CDKN3: variants seen among roughly 807,000 people sequenced by gnomAD.
The protein encoded by CDKN3 is cyclin-dependent kinase inhibitor 3.
CDKN3 carries 19 observed loss-of-function variants against 36.1 expected under a neutral mutation model. The ratio of observed to expected loss-of-function variants is 0.53; its 90% CI spans 0.37 to 0.77. CDKN3 has a LOEUF of 0.77. Among genes scored for constraint, CDKN3 ranks in the 30% least tolerant of loss-of-function variants. The pLI is 0.00. For synonymous variants in CDKN3, 71 were observed against 85.3 expected (o/e 0.83, Z 0.92); for missense variants, 188 against 248.6 (o/e 0.76, Z 1.64).
intron 1 of CDKN3, among the ~76,000 whole-genome samples, chr14:54,398,526 G>A (rs1225753892): frequency 1.3e-5 from 2 of 152,220 alleles, no homozygotes; most frequent in Admixed American, 6.5e-5. Flanking sequence ...TGAACAAGGG[G>A]CAAGCCCACG....
rs1202036391 is a variant in CDKN3, at chr14:54,401,554, G to A, written c.123G>A (p.Gln41=). The part of the protein sequence containing the change: ...WLSLSRVNCS[Q]FLGLCALPGC... ...CTTTGTCACGAGTGAATTGTTCTCA[G>A]TTTCTCGGTTTATGTGCTCTTCCAG... is the stretch of plus-strand genomic sequence containing the variant. The change falls in exon 3 of 8, where the codon CAG becomes CAA. Residue 41 remains glutamine, a synonymous_variant. Transcript: ENST00000335183. The A allele has an allele frequency of 8.7e-6, 14 of 1,610,260 alleles. No individual in the cohort carries two copies. Among genetic ancestry groups the A allele is most frequent in the Non-Finnish European group, 1.2e-5 (14 of 1,177,848 alleles).
intron 3 of CDKN3, 76 bp from the exon 4 acceptor site, chr14:54,408,669 C>A: frequency 1.4e-6 from 2 of 1,413,022 alleles, no homozygotes; most frequent in Non-Finnish European, 9.6e-7. Flanking sequence ...TATAAAGTAG[C>A]TATATAAGTG....
intron 6 of CDKN3, among the ~76,000 whole-genome samples, chr14:54,417,204 T>C (rs1467471003): frequency 2.0e-5 from 3 of 152,214 alleles, no homozygotes; most frequent in Non-Finnish European, 2.9e-5. Flanking sequence ...TATACAAATG[T>C]TTATAGCAGC....
intron 1 of CDKN3, 46 bp from the exon 2 acceptor site, chr14:54,399,848 A>G (rs780769277): frequency 1.0e-6 from 1 of 978,586 alleles, no homozygotes; most frequent in East Asian, 2.4e-5. Context: ...TCCTAAAACT[A>G]CAAAAAAATT....
At chr14:54,407,956 CT>C (rs1288111660) in intron 3 of CDKN3, among the ~76,000 whole-genome samples, 1 of 152,218 alleles carries the variant, frequency 6.6e-6, no homozygotes, top group East Asian at 1.9e-4. Flanking sequence ...CAGACCAGAG[CT>C]GTTCCTATTC....
At chr14:54,414,999 CTACAATACAA>C (rs533167499) in intron 5 of CDKN3, among the ~76,000 whole-genome samples, 7 of 151,972 alleles carry the variant, frequency 4.6e-5, no homozygotes, top group South Asian at 2.1e-4. Context: ...ACAGCTTTAC[CTACAATACAA>C]TACAATACAA....
At chr14:54,411,228 T>C (rs1209053370) in intron 4 of CDKN3, 1 of 464,102 alleles carries the variant, frequency 2.2e-6, no homozygotes, top group Middle Eastern at 2.9e-4. Flanking sequence ...CAGTATTCAT[T>C]GCAAAAAAAA....
intron 3 of CDKN3, among the ~76,000 whole-genome samples, chr14:54,403,820 T>C (rs2030048841): frequency 6.6e-6 from 1 of 152,216 alleles, no homozygotes; most frequent in African/African-American, 2.4e-5. Context: ...ACTGATTCTG[T>C]TTATGTGATG....
In CDKN3 at chr14:54,414,999, C is replaced by CTACAA. The variant is rs533167499; in HGVS notation, c.417-880_417-876dup. Among the ~76,000 whole-genome samples, 1,125 of 152,082 alleles carry CTACAA rather than the reference C, an allele frequency of 7.4e-3. 9 individuals are homozygous for CTACAA. Among genetic ancestry groups the CTACAA allele is most frequent in the African/African-American group, 0.022 (912 of 41,412 alleles). ...GCAAAATATATATCTACAGCTTTAC[C>CTACAA]TACAATACAATACAATACAATACAG... On this transcript the variant is annotated intron_variant, in intron 5 of 7. Transcript: ENST00000335183.
chr14:54,418,181 T>A, intron 7 of CDKN3: 1 of 702,902 alleles, frequency 1.4e-6, no homozygotes, highest in East Asian at 2.7e-5. Context: ...AACAAGATAA[T>A]GAAAATTTGA....
intron 1 of CDKN3, 111 bp downstream of exon 1, chr14:54,397,188 G>A (rs766808677): frequency 1.9e-4 from 229 of 1,218,104 alleles, no homozygotes; most frequent in South Asian, 7.0e-4. Context: ...AGTGCGACTG[G>A]CGCCGTAACC....
chr14:54,419,294 A>G (rs2030652031), intron 7 of CDKN3, among the ~76,000 whole-genome samples: 1 of 152,254 alleles, frequency 6.6e-6, no homozygotes. Flanking sequence ...GCAGATAATT[A>G]AGTCCATATT....
intron 5 of CDKN3, chr14:54,413,477 C>T (rs1392439486): frequency 9.2e-6 from 6 of 652,404 alleles, no homozygotes; most frequent in South Asian, 7.8e-5. Context: ...GTTCTGGCAA[C>T]CCAAATGCTC....
At chr14:54,400,880 C>A (rs1331419472) in intron 2 of CDKN3, among the ~76,000 whole-genome samples, 3 of 152,150 alleles carry the variant, frequency 2.0e-5, no homozygotes, top group South Asian at 2.1e-4. Context: ...CACATTATTT[C>A]TTTTTAACCA....
intron 7 of CDKN3, among the ~76,000 whole-genome samples, chr14:54,419,284 G>A (rs955016385): frequency 2.0e-5 from 3 of 151,984 alleles, no homozygotes; most frequent in African/African-American, 7.3e-5. Flanking sequence ...CTTTAACATT[G>A]CAGATAATTA....
chr14:54,398,641 T>C (rs1389723136), intron 1 of CDKN3, among the ~76,000 whole-genome samples: 1 of 152,116 alleles, frequency 6.6e-6, no homozygotes, highest in Non-Finnish European at 1.5e-5. Context: ...AGGGTATGGG[T>C]TTTGTTCTGT....
Position 54,408,807 on chromosome 14 carries a change from C to T in CDKN3, c.193+18C>T. On this transcript the variant is annotated intron_variant, in intron 4 of 7. Coordinates refer to ENST00000335183, the MANE Select transcript of CDKN3 (RefSeq NM_005192.4). Reference sequence around the variant, plus strand: ...AGATACAGGTAGGTATAATATCACGCAACCACACTCATGGGTTTTTTAAAT... The same window carrying T: ...AGATACAGGTAGGTATAATATCACGTAACCACACTCATGGGTTTTTTAAAT... 6.5e-7 allele frequency: 1 copy of T among 1,548,406 alleles called. No individual in the cohort carries two copies. The highest frequency in any genetic ancestry group is 1.3e-5 in the South Asian group (1 of 77,632).
chr14:54,407,997 C>A (rs775842467), intron 3 of CDKN3, among the ~76,000 whole-genome samples: 10 of 152,214 alleles, frequency 6.6e-5, no homozygotes, highest in Non-Finnish European at 1.0e-4. Context: ...CCCACATTTT[C>A]TTTATCTACT....
chr14:54,414,709 C>CTTTTT (rs35670197), intron 5 of CDKN3, among the ~76,000 whole-genome samples: 9 of 102,142 alleles, frequency 8.8e-5, no homozygotes, highest in East Asian at 2.8e-4. Context: ...CCGTGCCAGG[C>CTTTTT]TTTTTTTTTT....
Sources: allele counts gnomAD v4.1 joint callset (sites outside exome capture counted in the v4.1 genomes callset), GRCh38; gene constraint gnomAD v4.1.1; transcripts MANE v1.5; gene names NCBI Gene and HGNC (gene_info 2026-07-23, HGNC 2026-07-21).